HOXB13: variants seen among roughly 807,000 people sequenced by gnomAD.
The protein encoded by HOXB13 is homeobox B13.
HOXB13 carries 22 observed loss-of-function variants against 23.1 expected under a neutral mutation model. That is an observed-to-expected ratio of 0.95 (90% CI 0.68 to 1.36). The LOEUF is 1.36. Among genes scored for constraint, HOXB13 ranks in the 40% most tolerant of loss-of-function variants. The probability of loss-of-function intolerance (pLI) is 0.00; values close to 1 mark genes in which losing one functional copy is unlikely to be tolerated. For missense variants in HOXB13, 386 were observed against 376.2 expected, an observed-to-expected ratio of 1.03 and a Z score of -0.22; for synonymous variants, 173 against 157.9, an observed-to-expected ratio of 1.10 and a Z score of -0.72.
rs529100627 is a variant in HOXB13 at position 48,726,960 on chromosome 17, G to C, written c.685C>G (p.Arg229Gly). ...GCCGCATACTCCCGCTCCAGCTCCC[G>C]CAACTGCCCCTTGCTGTACGGAATG... is the stretch of plus-strand genomic sequence containing the variant. ...KRIPYSKGQLRELEREYAANK... is the reference protein window; with the variant it reads ...KRIPYSKGQLGELEREYAANK... Residue 229 changes from arginine to glycine, a missense_variant, in exon 2 of 2, where the codon CGG becomes GGG. Coordinates refer to ENST00000290295, the MANE Select transcript of HOXB13 (RefSeq NM_006361.6). The C allele has an allele frequency of 6.2e-7, 1 of 1,613,330 alleles. No homozygotes were observed. Among genetic ancestry groups the C allele is most frequent in the African/African-American group, 1.3e-5 (1 of 74,886 alleles).
At position 48,728,282 on chromosome 17, in the gene HOXB13, GGCT is replaced by G. The variant is rs767438744; in HGVS notation, c.309_311del (p.Ala104del). On this transcript the variant is annotated inframe_deletion, in exon 1 of 2. Coordinates refer to ENST00000290295, the MANE Select transcript of HOXB13 (RefSeq NM_006361.6). Reference sequence around the variant, plus strand: ...TCTCCGCGGGGTACGCGGCCAGGGTGGCTGCCTGGGCACAGGGTTTCAGCGAGC... The same window carrying G: ...TCTCCGCGGGGTACGCGGCCAGGGTGGCCTGGGCACAGGGTTTCAGCGAGC... 1.9e-5 allele frequency: 30 copies of G among 1,614,074 alleles called. No homozygotes were observed. Among genetic ancestry groups the G allele is most frequent in the Middle Eastern group, 1.6e-4 (1 of 6,084 alleles).
rs751081605 is a variant in HOXB13 at position 48,728,109 on chromosome 17, G to T, written c.485C>A (p.Ser162Tyr). Residue 162 changes from serine to tyrosine, a missense_variant, in exon 1 of 2, where the codon TCC (serine) becomes TAC (tyrosine). Transcript: ENST00000290295. ...CTGGTAACTGTCCACAGGCAACAGG[G>T]AGTCATGTCGCGGTTCTCCAGGAGC... is the stretch of plus-strand genomic sequence containing the variant. ...LGAPGEPRHD[S>Y]LLPVDSYQSW... is the part of the protein sequence containing the mutation. 1 of 1,614,224 alleles carries T rather than the reference G, an allele frequency of 6.2e-7. No homozygotes were observed. Among genetic ancestry groups the T allele is most frequent in the Admixed American group, 1.7e-5 (1 of 60,036 alleles).
Position 48,725,461 on chromosome 17 carries a change from G to T in HOXB13, c.*1329C>A, listed in dbSNP as rs1597931244. On this transcript the variant is annotated 3_prime_UTR_variant, in exon 2 of 2. Transcript: ENST00000290295. ...GGGCCATAAACACTTGGCTGCGGCG[G>T]CCGCCGCGGGGTTTCTAGGAGAGCT... The T allele has an allele frequency of 6.6e-6, 1 of 152,072 alleles. No homozygotes were observed. Among genetic ancestry groups the T allele is most frequent in the Admixed American group, 6.5e-5 (1 of 15,284 alleles). The allele number at this position is 152,072 out of a possible 1,614,324, so 9.4% of individuals were successfully genotyped here.
At position 48,728,081 on chromosome 17, in the gene HOXB13, A is replaced by G. The variant is rs9900627; in HGVS notation, c.513T>C (p.Ser171=). 159,764 of 1,614,048 alleles carry G rather than the reference A, an allele frequency of 0.099. 8,891 individuals carry two copies. Among genetic ancestry groups the G allele is most frequent in the Middle Eastern group, 0.25 (1,537 of 6,062 alleles). The change falls in exon 1 of 2, where the codon TCT becomes TCC. Residue 171 remains serine, a synonymous_variant. Coordinates refer to ENST00000290295, the MANE Select transcript of HOXB13 (RefSeq NM_006361.6). ...TGTTCCAGCCACCAGCGAGAGCCCA[A>G]GACTGGTAACTGTCCACAGGCAACA... The part of the protein sequence containing the change: ...DSLLPVDSYQ[S]WALAGGWNSQ...
In HOXB13 at chr17:48,728,473, T is replaced by C; in HGVS notation, c.121A>G (p.Thr41Ala). 2 of 1,613,206 alleles carry C rather than the reference T, an allele frequency of 1.2e-6. No individual in the cohort carries two copies. Among genetic ancestry groups the C allele is most frequent in the South Asian group, 1.1e-5 (1 of 91,028 alleles). The change falls in exon 1 of 2, where the codon ACG becomes GCG. Residue 41 changes from threonine (T) to alanine (A), a missense_variant. Transcript: ENST00000290295. Reference protein sequence around the residue: ...SPLTSHPAAPTLMPAVNYAPL... With the variant: ...SPLTSHPAAPALMPAVNYAPL... ...GCATAGTTGACAGCAGGCATCAGCGTAGGCGCCGCTGGGTGGCTGGTCAGA... is the reference window on the plus strand; with the variant it reads ...GCATAGTTGACAGCAGGCATCAGCGCAGGCGCCGCTGGGTGGCTGGTCAGA...
rs763353615 is a variant in HOXB13 at position 48,728,376 on chromosome 17, G to T, written c.218C>A (p.Thr73Lys). 4 of 1,613,848 alleles carry T rather than the reference G, an allele frequency of 2.5e-6. No homozygotes were observed. Among genetic ancestry groups the T allele is most frequent in the Non-Finnish European group, 2.5e-6 (3 of 1,179,984 alleles). Residue 73 changes from threonine to lysine, a missense_variant, in exon 1 of 2, where the codon ACG (threonine) becomes AAG (lysine). Thr to Lys is a moderately conservative substitution (Grantham distance 78, BLOSUM62 -1). Coordinates refer to ENST00000290295, the MANE Select transcript of HOXB13 (RefSeq NM_006361.6). ...CHPCPGVPQG[T>K]SPAPVPYGYF... ...ACCATAAGGCACGGGAGCTGGGGAC[G>T]TCCCCTGGGGCACCCCAGGGCATGG...
rs758708152 is a variant in HOXB13 at position 48,728,177 on chromosome 17, A to G, written c.417T>C (p.Pro139=). The stretch of plus-strand genomic sequence containing the variant: ...CAGACACGTCCAGGTAACTGGCCAT[A>G]GGCTGGTAGGTTCCCGGATATCCCG... ...FYPGYPGTYQ[P]MASYLDVSVV... is the part of the protein sequence containing the mutation. Residue 139 remains proline, a synonymous_variant, in exon 1 of 2, where the codon CCT becomes CCC. Transcript: ENST00000290295. 3.7e-6 allele frequency: 6 copies of G among 1,614,188 alleles called. No homozygotes were observed. The highest frequency in any genetic ancestry group is 5.1e-6 in the Non-Finnish European group (6 of 1,180,036).
rs757776260 is a variant in HOXB13, at chr17:48,726,965, T to C, written c.680A>G (p.Gln227Arg). The change falls in exon 2 of 2, where the codon CAG (glutamine) becomes CGG (arginine). Residue 227 changes from glutamine to arginine, a missense_variant. Physicochemically the swap from Gln to Arg is conservative, Grantham distance 43 (BLOSUM62 1). Transcript: ENST00000290295. ...ATACTCCCGCTCCAGCTCCCGCAAC[T>C]GCCCCTTGCTGTACGGAATGCGTTT... ...RKKRIPYSKG[Q>R]LRELEREYAA... is the part of the protein sequence containing the mutation. 6.2e-7 allele frequency: 1 copy of C among 1,613,474 alleles called. No homozygotes were observed. Among genetic ancestry groups the C allele is most frequent in the East Asian group, 2.2e-5 (1 of 44,864 alleles).
At chr17:48,727,958 C>A in intron 1 of HOXB13, 35 bp downstream of exon 1, 1 of 1,592,214 alleles carries the variant, frequency 6.3e-7, no homozygotes, top group Non-Finnish European at 8.6e-7. Context: ...CAACCCCAGG[C>A]TCAGAGACAA....
chr17:48,726,171 G>C lies in HOXB13; in HGVS notation c.*619C>G, dbSNP rs1253881479. On this transcript the variant is annotated 3_prime_UTR_variant, in exon 2 of 2. Transcript: ENST00000290295. Reference sequence around the variant, plus strand: ...ACAGAAAAATCATCGTATTAAGGATGGGTGCTTCCAAGACCAGTGGGTACA... The same window carrying C: ...ACAGAAAAATCATCGTATTAAGGATCGGTGCTTCCAAGACCAGTGGGTACA... 6.6e-6 allele frequency: 1 copy of C among 152,340 alleles called. No homozygotes were observed. Among genetic ancestry groups the C allele is most frequent in the Non-Finnish European group, 1.5e-5 (1 of 68,120 alleles). The allele number at this position is 152,340 out of a possible 1,614,324, so 9.4% of individuals were successfully genotyped here.
rs944737250 is a variant in HOXB13 at position 48,728,734 on chromosome 17, C to A, written c.-141G>T. 5.2e-6 allele frequency: 4 copies of A among 772,414 alleles called. No homozygotes were observed. The highest frequency in any genetic ancestry group is 8.2e-6 in the Non-Finnish European group (4 of 485,686). The allele number at this position is 772,414 out of a possible 1,614,324, so 47.8% of individuals were successfully genotyped here. On this transcript the variant is annotated 5_prime_UTR_variant, in exon 1 of 2. Transcript: ENST00000290295. The stretch of plus-strand genomic sequence containing the variant: ...AGTCGCCTGCATTCGCTCAGCACGG[C>A]CGTCTTGACGCAAGAGACGCAGGGG...
chr17:48,727,968 AG>A, intron 1 of HOXB13, 24 bp downstream of exon 1: 1 of 1,600,824 alleles, frequency 6.2e-7, no homozygotes, highest in Non-Finnish European at 8.5e-7. Context: ...CTCAGAGACA[AG>A]GGGACCCAGG....
At position 48,724,853 on chromosome 17, in the gene HOXB13, G is replaced by T; in HGVS notation, c.*1937C>A. 1 of 447,746 alleles carries T rather than the reference G, an allele frequency of 2.2e-6. No homozygotes were observed. Among genetic ancestry groups the T allele is most frequent in the Non-Finnish European group, 3.7e-6 (1 of 272,958 alleles). The allele number at this position is 447,746 out of a possible 1,614,324, so 27.7% of individuals were successfully genotyped here. A position where few individuals can be genotyped will look rare whatever the true frequency, so the allele number is the denominator to read the frequency against. On this transcript the variant is annotated 3_prime_UTR_variant, in exon 2 of 2. Transcript: ENST00000290295. Reference sequence around the variant, plus strand: ...AGCAGAGTGTGGGAGTTAGAGCATGGGGAGTCCAGAGGTTCCAGACCCCCA... The same window carrying T: ...AGCAGAGTGTGGGAGTTAGAGCATGTGGAGTCCAGAGGTTCCAGACCCCCA...
rs1446901484 is a variant in HOXB13, at chr17:48,726,114, TA to T, written c.*675del. 1 of 152,304 alleles carries T rather than the reference TA, an allele frequency of 6.6e-6. No individual in the cohort carries two copies. Among genetic ancestry groups the T allele is most frequent in the Non-Finnish European group, 1.5e-5 (1 of 68,102 alleles). 9.4% of individuals were successfully genotyped at this position (152,304 alleles called of 1,614,324 possible). Reference sequence around the variant, plus strand: ...TTTTTCTCTGGAAGGAAGGACTGACTAGGGGCAGCCTGCTGGCTTCATTTTC... The same window carrying T: ...TTTTTCTCTGGAAGGAAGGACTGACTGGGGCAGCCTGCTGGCTTCATTTTC... On this transcript the variant is annotated 3_prime_UTR_variant, in exon 2 of 2. Transcript: ENST00000290295.
rs1597935024 is a variant in HOXB13 at position 48,728,448 on chromosome 17, G to C, written c.146C>G (p.Ala49Gly). 1 of 1,613,318 alleles carries C rather than the reference G, an allele frequency of 6.2e-7. No individual in the cohort carries two copies. Among genetic ancestry groups the C allele is most frequent in the Non-Finnish European group, 8.5e-7 (1 of 1,179,834 alleles). The change falls in exon 1 of 2, where the codon GCC becomes GGC. Residue 49 changes from alanine to glycine, a missense_variant. Coordinates refer to ENST00000290295, the MANE Select transcript of HOXB13 (RefSeq NM_006361.6). ...CGCCGAGCCTGGCAGATCCAAGGGG[G>C]CATAGTTGACAGCAGGCATCAGCGT... is the stretch of plus-strand genomic sequence containing the variant. ...APTLMPAVNY[A>G]PLDLPGSAEP... is the part of the protein sequence containing the mutation.
At position 48,728,101 on chromosome 17, in the gene HOXB13, G is replaced by A. The variant is rs1597934017; in HGVS notation, c.493C>T (p.Pro165Ser). 1 of 1,614,222 alleles carries A rather than the reference G, an allele frequency of 6.2e-7. No homozygotes were observed. ...PGEPRHDSLL[P>S]VDSYQSWALA... ...GCCCAAGACTGGTAACTGTCCACAG[G>A]CAACAGGGAGTCATGTCGCGGTTCT... is the stretch of plus-strand genomic sequence containing the variant. The change falls in exon 1 of 2, where the codon CCT becomes TCT. Residue 165 changes from proline (P) to serine (S), a missense_variant. Pro to Ser is a moderately conservative substitution (Grantham distance 74). Coordinates refer to ENST00000290295, the MANE Select transcript of HOXB13 (RefSeq NM_006361.6).
Position 48,726,480 on chromosome 17 carries a change from TG to T in HOXB13, c.*309del, listed in dbSNP as rs1469495687. ...TCTACAGAGCTCTAGATAGAAAATA[TG>T]AGGCTAACGATCATGGCAGCTAGTA... On this transcript the variant is annotated 3_prime_UTR_variant, in exon 2 of 2. Coordinates refer to ENST00000290295, the MANE Select transcript of HOXB13 (RefSeq NM_006361.6). 8 of 390,322 alleles carry T rather than the reference TG, an allele frequency of 2.0e-5. No homozygotes were observed. The highest frequency in any genetic ancestry group is 3.7e-5 in the Non-Finnish European group (8 of 216,032). The allele number at this position is 390,322 out of a possible 1,614,324, so 24.2% of individuals were successfully genotyped here.
rs561048036 is a variant in HOXB13, at chr17:48,728,504, G to C, written c.90C>G (p.His30Gln). The stretch of plus-strand genomic sequence containing the variant: ...CCGCTGGGTGGCTGGTCAGAGGGGA[G>C]TGGGCGACCAGATTCCGCCCCCCTC... Reference protein sequence around the residue: ...GAGGGRNLVAHSPLTSHPAAP... With the variant: ...GAGGGRNLVAQSPLTSHPAAP... The change falls in exon 1 of 2, where the codon CAC becomes CAG. Residue 30 changes from histidine (H) to glutamine (Q), a missense_variant. Coordinates refer to ENST00000290295, the MANE Select transcript of HOXB13 (RefSeq NM_006361.6). 2 of 1,613,474 alleles carry C rather than the reference G, an allele frequency of 1.2e-6. No homozygotes were observed. Among genetic ancestry groups the C allele is most frequent in the Non-Finnish European group, 1.7e-6 (2 of 1,179,974 alleles).
chr17:48,726,842 C>T lies in HOXB13; in HGVS notation c.803G>A (p.Arg268Gln), dbSNP rs748782183. 29 of 1,614,016 alleles carry T rather than the reference C, an allele frequency of 1.8e-5. No homozygotes were observed. The highest frequency in any genetic ancestry group is 2.5e-5 in the Non-Finnish European group (29 of 1,180,030). ...GGCGAGAACCTTCTTCTCTTTGACCCGGCGGTTCTGAAACCAGATGGTAAT... is the reference window on the plus strand; with the variant it reads ...GGCGAGAACCTTCTTCTCTTTGACCTGGCGGTTCTGAAACCAGATGGTAAT... The part of the protein sequence containing the change: ...RQITIWFQNR[R>Q]VKEKKVLAKV... The change falls in exon 2 of 2, where the codon CGG (arginine) becomes CAG (glutamine). Residue 268 changes from arginine (R) to glutamine (Q), a missense_variant. Physicochemically the swap from Arg to Gln is conservative, Grantham distance 43. Transcript: ENST00000290295.
Sources: allele counts gnomAD v4.1 joint callset, GRCh38; gene constraint gnomAD v4.1.1; transcripts MANE v1.5; gene names NCBI Gene and HGNC (gene_info 2026-07-23, HGNC 2026-07-21).